CBFA2T2: variants seen among roughly 807,000 people sequenced by gnomAD.
CBFA2T2 encodes protein CBFA2T2.
In CBFA2T2, 11 loss-of-function variants were observed where a neutral mutation model predicts 62.2. The ratio of observed to expected loss-of-function variants is 0.18; its 90% confidence interval spans 0.11 to 0.29. CBFA2T2 has a LOEUF of 0.29. Ranked by LOEUF, CBFA2T2 falls within the 10% of genes least tolerant of loss-of-function variation. The pLI is 1.00. For synonymous variants in CBFA2T2, 295 were observed against 287.5 expected (o/e 1.03, Z -0.27); for missense variants, 592 against 774.1 (o/e 0.76, Z 2.79).
intron 1 of CBFA2T2, among the ~76,000 whole-genome samples, chr20:33,572,349 GA>G (rs2013607686): frequency 6.6e-6 from 1 of 152,136 alleles, no homozygotes; most frequent in Admixed American, 6.6e-5. Flanking sequence ...AATATAGGTA[GA>G]TAGAGAAAAA....
intron 1 of CBFA2T2, among the ~76,000 whole-genome samples, chr20:33,510,502 C>A (rs187750772): frequency 6.6e-6 from 1 of 152,084 alleles, no homozygotes; most frequent in East Asian, 1.9e-4. Flanking sequence ...TGAGCCACCA[C>A]GCCCGGCCAC....
At position 33,640,534 on chromosome 20, in the gene CBFA2T2, CAG is replaced by C; in HGVS notation, c.1488+6_1488+7del. On this transcript the variant is annotated splice_donor_5th_base_variant and intron_variant, in intron 10 of 10. Transcript: ENST00000342704. Reference sequence around the variant, plus strand: ...ATGAGCAAGAGGAGTCCACGGAGGTCAGAGCTCTGCGCCCTGGGGGCTGGGGT... The same window carrying C: ...ATGAGCAAGAGGAGTCCACGGAGGTCAGCTCTGCGCCCTGGGGGCTGGGGT... The C allele has an allele frequency of 6.2e-7, 1 of 1,613,812 alleles. No individual in the cohort carries two copies. Among genetic ancestry groups the C allele is most frequent in the Non-Finnish European group, 8.5e-7 (1 of 1,179,870 alleles).
At chr20:33,521,438 C>G (rs1003467992) in intron 1 of CBFA2T2, among the ~76,000 whole-genome samples, 3 of 151,986 alleles carry the variant, frequency 2.0e-5, no homozygotes, top group Non-Finnish European at 4.4e-5. Context: ...ATTATTATAA[C>G]AAAATTGTTG....
intron 1 of CBFA2T2, among the ~76,000 whole-genome samples, chr20:33,553,709 A>C (rs1050978073): frequency 6.6e-6 from 1 of 152,214 alleles, no homozygotes; most frequent in Non-Finnish European, 1.5e-5. Flanking sequence ...TAAGCAGGCT[A>C]TAAGTTTGCT....
intron 1 of CBFA2T2, among the ~76,000 whole-genome samples, chr20:33,520,814 A>G (rs756675821): frequency 2.6e-5 from 4 of 151,968 alleles, no homozygotes; most frequent in African/African-American, 9.7e-5. Context: ...TCAACGTTCA[A>G]ACTAACTCGT....
At chr20:33,605,013 G>A (rs2015286552) in intron 1 of CBFA2T2, among the ~76,000 whole-genome samples, 1 of 152,208 alleles carries the variant, frequency 6.6e-6, no homozygotes, top group Admixed American at 6.5e-5. Context: ...GGGAAGGGCT[G>A]GCAGAGTGTT....
At chr20:33,508,755 A>G (rs2011450488) in intron 1 of CBFA2T2, among the ~76,000 whole-genome samples, 1 of 152,210 alleles carries the variant, frequency 6.6e-6, no homozygotes, top group Non-Finnish European at 1.5e-5. Context: ...TGCAAAGGAC[A>G]TGATCTTCTT....
At chr20:33,494,232 CATATATATGTGT>C (rs1284209319) in intron 1 of CBFA2T2, among the ~76,000 whole-genome samples, 49 of 60,028 alleles carry the variant, frequency 8.2e-4, no homozygotes, top group African/African-American at 2.8e-3. Context: ...ATGTATTAGG[CATATATATGTGT>C]ATATATATAT....
chr20:33,493,355 C>T, intron 1 of CBFA2T2, among the ~76,000 whole-genome samples: 1 of 152,280 alleles, frequency 6.6e-6, no homozygotes, highest in East Asian at 1.9e-4. Flanking sequence ...GGATTACAGG[C>T]ATGAGTAACT....
chr20:33,603,703 G>T (rs1227257459), intron 1 of CBFA2T2, among the ~76,000 whole-genome samples: 1 of 152,088 alleles, frequency 6.6e-6, no homozygotes, highest in Non-Finnish European at 1.5e-5. Context: ...CACAATTGAG[G>T]GAAAAGAATT....
chr20:33,636,755 G>A, intron 9 of CBFA2T2, 47 bp downstream of exon 9: 2 of 1,403,062 alleles, frequency 1.4e-6, no homozygotes, highest in Non-Finnish European at 2.0e-6. Context: ...CTAATTTGTG[G>A]GAGCAGAGAA....
At chr20:33,581,124 C>T (rs142286644) in intron 1 of CBFA2T2, among the ~76,000 whole-genome samples, 2 of 151,640 alleles carry the variant, frequency 1.3e-5, no homozygotes, top group East Asian at 1.9e-4. Context: ...AGTGCAGTGG[C>T]GTGATCTCGG....
At chr20:33,559,262 C>T (rs746679822) in intron 1 of CBFA2T2, among the ~76,000 whole-genome samples, 4 of 149,414 alleles carry the variant, frequency 2.7e-5, no homozygotes, top group Non-Finnish European at 4.4e-5. Flanking sequence ...CAACCTCTGC[C>T]TTCCTGGTTC....
At chr20:33,637,969 T>C (rs1442581635) in intron 9 of CBFA2T2, among the ~76,000 whole-genome samples, 1 of 119,224 alleles carries the variant, frequency 8.4e-6, no homozygotes, top group East Asian at 2.5e-4. Flanking sequence ...ACCCGGCCTT[T>C]TTTTTTTTTT....
At chr20:33,549,974 C>CAGCA (rs913730070) in intron 1 of CBFA2T2, among the ~76,000 whole-genome samples, 3 of 150,260 alleles carry the variant, frequency 2.0e-5, no homozygotes, top group African/African-American at 2.4e-5. Context: ...ACATCAAAGA[C>CAGCA]AGCATCCTTC....
At chr20:33,564,547 G>A (rs559601224) in intron 1 of CBFA2T2, among the ~76,000 whole-genome samples, 27 of 152,058 alleles carry the variant, frequency 1.8e-4, no homozygotes, top group Middle Eastern at 6.8e-3. Flanking sequence ...GAGCCACCGC[G>A]CCTGGCCCTC....
intron 1 of CBFA2T2, among the ~76,000 whole-genome samples, chr20:33,500,062 A>G (rs989794685): frequency 1.3e-5 from 2 of 151,986 alleles, no homozygotes; most frequent in African/African-American, 2.4e-5. Flanking sequence ...AGGTTCAAGC[A>G]GTTCTGTGCC....
At chr20:33,595,317 T>C (rs1348858376) in intron 1 of CBFA2T2, among the ~76,000 whole-genome samples, 2 of 152,004 alleles carry the variant, frequency 1.3e-5, no homozygotes, top group Admixed American at 1.3e-4. Flanking sequence ...GTTCATGTGA[T>C]TCTCCAGTCT....
chr20:33,593,377 A>G lies in CBFA2T2; in HGVS notation c.35-13579A>G, dbSNP rs117917258. ...CTATTACATAATAAACTGATTTGCA[A>G]ATCTCTTGACTGGATTTTTTTTTTT... is the stretch of plus-strand genomic sequence containing the variant. On this transcript the variant is annotated intron_variant, in intron 1 of 10. Coordinates refer to ENST00000342704, the MANE Select transcript of CBFA2T2 (RefSeq NM_001032999.3). 1.7e-4 allele frequency among the ~76,000 whole-genome samples: 25 copies of G among 150,696 alleles called. 1 individual carries two copies. The East Asian group carries it at 4.9e-3, about 30-fold the overall frequency.
Sources: allele counts gnomAD v4.1 joint callset (sites outside exome capture counted in the v4.1 genomes callset), GRCh38; gene constraint gnomAD v4.1.1; transcripts MANE v1.5; gene names NCBI Gene and HGNC (gene_info 2026-07-23, HGNC 2026-07-21).